CDH6: variants seen among roughly 807,000 people sequenced by gnomAD.
CDH6 encodes the protein cadherin-6.
CDH6 carries 31 observed loss-of-function variants against 78.0 expected under a neutral mutation model. The observed-to-expected ratio is 0.40, with a 90% CI of 0.30 to 0.54. CDH6 has a LOEUF of 0.54. Ranked by LOEUF, CDH6 falls within the 20% of genes least tolerant of loss-of-function variation. The pLI, the probability that CDH6 is intolerant of heterozygous loss-of-function variation, is 0.56. For synonymous variants in CDH6, 376 were observed against 368.8 expected, an observed-to-expected ratio of 1.02 and a Z score of -0.23; for missense variants, 724 against 975.9, an observed-to-expected ratio of 0.74 and a Z score of 3.44.
intron 1 of CDH6, among the ~76,000 whole-genome samples, chr5:31,199,279 T>C (rs551204750): frequency 1.3e-5 from 2 of 151,278 alleles, no homozygotes; most frequent in African/African-American, 4.8e-5. Context: ...TATATATCTA[T>C]ACACACACAT....
intron 1 of CDH6, among the ~76,000 whole-genome samples, chr5:31,209,809 A>C (rs932340309): frequency 6.6e-6 from 1 of 152,214 alleles, no homozygotes; most frequent in Non-Finnish European, 1.5e-5. Context: ...TGCTATCCTC[A>C]GCATCAAAGT....
At chr5:31,321,454 A>G (rs1160075230) in intron 11 of CDH6, among the ~76,000 whole-genome samples, 1 of 152,108 alleles carries the variant, frequency 6.6e-6, no homozygotes, top group Non-Finnish European at 1.5e-5. Flanking sequence ...TGTACCTGTA[A>G]CATCTTTAAA....
At chr5:31,286,883 C>G (rs1238392393) in intron 2 of CDH6, among the ~76,000 whole-genome samples, 1 of 152,046 alleles carries the variant, frequency 6.6e-6, no homozygotes. Flanking sequence ...TCAAGATATA[C>G]ATAAGAGGTA....
At position 31,325,177 on chromosome 5, in the gene CDH6, AT is replaced by A. The variant is rs1267464204; in HGVS notation, c.*1875del. 4 of 228,420 alleles carry A rather than the reference AT, an allele frequency of 1.8e-5. No individual in the cohort carries two copies. Among genetic ancestry groups the A allele is most frequent in the African/African-American group, 6.7e-5 (3 of 45,036 alleles). 14.1% of individuals were successfully genotyped at this position (228,420 alleles called of 1,614,324 possible). On this transcript the variant is annotated 3_prime_UTR_variant, in exon 12 of 12. Coordinates refer to ENST00000265071, the MANE Select transcript of CDH6 (RefSeq NM_004932.4). Reference sequence around the variant, plus strand: ...TTTGGGTTACCTGATTAGAGTGAAAATTTTTTACAATCATATTATTCCTTGT... The same window carrying A: ...TTTGGGTTACCTGATTAGAGTGAAAATTTTTACAATCATATTATTCCTTGT...
intron 7 of CDH6, among the ~76,000 whole-genome samples, chr5:31,312,535 C>T (rs1316744793): frequency 6.6e-6 from 1 of 152,144 alleles, no homozygotes; most frequent in Non-Finnish European, 1.5e-5. Flanking sequence ...CCTGTCTCTA[C>T]AAAAAATTAG....
At chr5:31,196,523 A>G (rs1026223715) in intron 1 of CDH6, among the ~76,000 whole-genome samples, 18 of 152,120 alleles carry the variant, frequency 1.2e-4, no homozygotes, top group African/African-American at 4.3e-4. Flanking sequence ...AACTATTCAA[A>G]CTTTTTTTAG....
intron 7 of CDH6, among the ~76,000 whole-genome samples, chr5:31,310,335 G>C (rs1249163496): frequency 1.3e-5 from 2 of 152,216 alleles, no homozygotes; most frequent in Admixed American, 6.5e-5. Flanking sequence ...TAAAGGAGTG[G>C]GCTCCCATGG....
In CDH6 at chr5:31,199,711, ATATATC is replaced by A. The variant is rs796157884; in HGVS notation, c.-129+5827_-129+5832del. On this transcript the variant is annotated intron_variant, in intron 1 of 11. Transcript: ENST00000265071. Reference sequence around the variant, plus strand: ...TATATATATATATATATATATATATATATATCTCAAAGATAAAAAGCACTCACCAGT... The same window carrying A: ...TATATATATATATATATATATATATATCAAAGATAAAAAGCACTCACCAGT... Among the ~76,000 whole-genome samples the A allele has an allele frequency of 3.4e-4, 47 of 137,488 alleles. 2 individuals are homozygous for A. The highest frequency in any genetic ancestry group is 1.4e-3 in the South Asian group (6 of 4,344). 90.2% of individuals were successfully genotyped at this position (137,488 alleles called of 152,430 possible).
In CDH6 at chr5:31,267,460, A is replaced by G. The variant is rs772327985; in HGVS notation, c.-14A>G. The G allele has an allele frequency of 1.2e-6, 2 of 1,605,896 alleles. No individual in the cohort carries two copies. Among genetic ancestry groups the G allele is most frequent in the Admixed American group, 3.3e-5 (2 of 60,018 alleles). ...GGGGCACTCACTACGCACAGACTCGACGGTGCCATCAGCATGAGAACTTAC... is the reference window on the plus strand; with the variant it reads ...GGGGCACTCACTACGCACAGACTCGGCGGTGCCATCAGCATGAGAACTTAC... On this transcript the variant is annotated 5_prime_UTR_variant, in exon 2 of 12. Transcript: ENST00000265071.
At chr5:31,314,266 A>G (rs894604195) in intron 8 of CDH6, among the ~76,000 whole-genome samples, 1 of 151,316 alleles carries the variant, frequency 6.6e-6, no homozygotes, top group African/African-American at 2.4e-5. Context: ...CGTCATTTAC[A>G]TTAGGTATAT....
At chr5:31,236,050 C>A (rs575623176) in intron 1 of CDH6, among the ~76,000 whole-genome samples, 24 of 152,140 alleles carry the variant, frequency 1.6e-4, no homozygotes, top group Non-Finnish European at 2.6e-4. Flanking sequence ...CTATAGAAAA[C>A]ATTTGTCAGA....
At chr5:31,258,624 C>A (rs1025223032) in intron 1 of CDH6, among the ~76,000 whole-genome samples, 1 of 151,718 alleles carries the variant, frequency 6.6e-6, no homozygotes, top group Non-Finnish European at 1.5e-5. Flanking sequence ...TACCCCAGAA[C>A]TTAAAGTATA....
At chr5:31,288,791 A>G (rs144209583) in intron 2 of CDH6, among the ~76,000 whole-genome samples, 136 of 152,354 alleles carry the variant, frequency 8.9e-4, no homozygotes, top group African/African-American at 3.2e-3. Flanking sequence ...CATTTCTTAA[A>G]GAGCAACATT....
rs377192944 is a variant in CDH6 at position 31,274,849 on chromosome 5, A to G, written c.228+7148A>G. Reference sequence around the variant, plus strand: ...TAAATAAATAAATAAACAAGGAGTCAAAGTAAAGAAAAGAGTGAAGAGTTT... The same window carrying G: ...TAAATAAATAAATAAACAAGGAGTCGAAGTAAAGAAAAGAGTGAAGAGTTT... On this transcript the variant is annotated intron_variant, in intron 2 of 11. Transcript: ENST00000265071. Among the ~76,000 whole-genome samples, 285 of 152,304 alleles carry G rather than the reference A, an allele frequency of 1.9e-3. 3 individuals carry two copies. The highest frequency in any genetic ancestry group is 6.4e-3 in the African/African-American group (266 of 41,572).
intron 1 of CDH6, among the ~76,000 whole-genome samples, chr5:31,256,264 C>G (rs1742051370): frequency 6.6e-6 from 1 of 152,102 alleles, no homozygotes; most frequent in Non-Finnish European, 1.5e-5. Context: ...TACTGGCTGT[C>G]AGGATTACTG....
At chr5:31,289,656 T>G (rs924635312) in intron 2 of CDH6, among the ~76,000 whole-genome samples, 1 of 152,238 alleles carries the variant, frequency 6.6e-6, no homozygotes, top group Non-Finnish European at 1.5e-5. Flanking sequence ...GTTTTCTGTC[T>G]TAACAATGCA....
At chr5:31,252,559 A>G (rs1356149385) in intron 1 of CDH6, among the ~76,000 whole-genome samples, 1 of 152,046 alleles carries the variant, frequency 6.6e-6, no homozygotes, top group Non-Finnish European at 1.5e-5. Flanking sequence ...GTTCAGGGAA[A>G]CTCGTGTGAT....
intron 4 of CDH6, among the ~76,000 whole-genome samples, chr5:31,299,151 T>A (rs1561063804): frequency 6.6e-6 from 1 of 152,352 alleles, no homozygotes; most frequent in East Asian, 1.9e-4. Context: ...TAACACTTAA[T>A]GTTTATACAT....
chr5:31,221,384 C>A (rs1373046539), intron 1 of CDH6, among the ~76,000 whole-genome samples: 1 of 152,192 alleles, frequency 6.6e-6, no homozygotes, highest in Non-Finnish European at 1.5e-5. Flanking sequence ...CTGCAGTCAA[C>A]TTTAATTCTA....
Sources: allele counts gnomAD v4.1 joint callset (sites outside exome capture counted in the v4.1 genomes callset), GRCh38; gene constraint gnomAD v4.1.1; transcripts MANE v1.5; gene names NCBI Gene and HGNC (gene_info 2026-07-23, HGNC 2026-07-21).